PCDHGB4: variants seen among roughly 807,000 people sequenced by gnomAD.
PCDHGB4 encodes the protein protocadherin gamma subfamily B, 4.
Under a neutral mutation model 60.5 loss-of-function variants are expected in PCDHGB4, and 38 were observed. The ratio of observed to expected loss-of-function variants is 0.63; its 90% CI spans 0.48 to 0.82. The LOEUF (loss-of-function observed/expected upper bound fraction) is 0.82, where lower values mean the gene tolerates loss of function less well. Among genes scored for constraint, PCDHGB4 ranks in the 40% least tolerant of loss-of-function variants. The pLI is 0.00. For missense variants in PCDHGB4, 1,109 were observed against 1,209.6 expected (o/e 0.92, Z 1.23); for synonymous variants, 456 against 509.7 (o/e 0.89, Z 1.42).
intron 1 of PCDHGB4, among the ~76,000 whole-genome samples, chr5:141,448,476 G>A (rs1002358317): frequency 1.3e-5 from 2 of 151,976 alleles, no homozygotes; most frequent in African/African-American, 4.8e-5. Flanking sequence ...TTCCACCCTT[G>A]CTTCCTCCTG....
At position 141,505,499 on chromosome 5, in the gene PCDHGB4, G is replaced by A. The variant is rs753203943; in HGVS notation, c.2545+18G>A. ...CGCCAGTGGTAAGTGGTGTCAGTGT[G>A]TGTATGGAAGAGTGGGAGACCTGGG... is the stretch of plus-strand genomic sequence containing the variant. On this transcript the variant is annotated intron_variant, in intron 3 of 3. Transcript: ENST00000519479. 6.2e-7 allele frequency: 1 copy of A among 1,614,172 alleles called. No homozygotes were observed. The highest frequency in any genetic ancestry group is 8.5e-7 in the Non-Finnish European group (1 of 1,179,982).
In PCDHGB4 at chr5:141,486,718, A is replaced by G; in HGVS notation, c.2398-8089A>G. 6.2e-7 allele frequency: 1 copy of G among 1,614,106 alleles called. No individual in the cohort carries two copies. The highest frequency in any genetic ancestry group is 1.7e-5 in the Admixed American group (1 of 60,022). On this transcript the variant is annotated intron_variant, in intron 1 of 3. Coordinates refer to ENST00000519479, the MANE Select transcript of PCDHGB4 (RefSeq NM_003736.4). This position sits in a 1 kb window ranked among gnomAD's most constrained non-coding sequence, Gnocchi z 5.0. Reference sequence around the variant, plus strand: ...TCATCTCTCTGAACCCCCAGACAGGAGCTGTTCATGCTACTCGATCCTTTG... The same window carrying G: ...TCATCTCTCTGAACCCCCAGACAGGGGCTGTTCATGCTACTCGATCCTTTG...
rs1269660369 is a variant in PCDHGB4 at position 141,408,454 on chromosome 5, A to T, written c.2397+18173A>T. On this transcript the variant is annotated intron_variant, in intron 1 of 3. Transcript: ENST00000519479. ...GCGTAGACGCGGAGAGCGGGGACTT[A>T]CTTGTGAAGAACCGAATAGACCGTG... The T allele has an allele frequency of 4.3e-6, 7 of 1,613,934 alleles. No homozygotes were observed. The African/African-American group carries it at 9.3e-5, about 22-fold the overall frequency.
chr5:141,504,206 A>C (rs1209911822), intron 2 of PCDHGB4, among the ~76,000 whole-genome samples: 1 of 152,218 alleles, frequency 6.6e-6, no homozygotes, highest in East Asian at 1.9e-4. Context: ...CTGTGGGAAA[A>C]TTCCAAGTAG....
Position 141,486,929 on chromosome 5 carries a change from G to A in PCDHGB4, c.2398-7878G>A. 2.5e-6 allele frequency: 4 copies of A among 1,614,226 alleles called. No individual in the cohort carries two copies. Among genetic ancestry groups the A allele is most frequent in the Non-Finnish European group, 2.5e-6 (3 of 1,180,038 alleles). ...CCAAGCACTGCCTCCATCAGTTGGT[G>A]CTGGCCACCTAATCACAAAGGTGAC... On this transcript the variant is annotated intron_variant, in intron 1 of 3. Transcript: ENST00000519479. This position sits in a 1 kb window ranked among gnomAD's most constrained non-coding sequence, Gnocchi z 5.0.
intron 3 of PCDHGB4, among the ~76,000 whole-genome samples, chr5:141,506,567 T>G (rs2099855029): frequency 6.6e-6 from 1 of 152,182 alleles, no homozygotes; most frequent in Non-Finnish European, 1.5e-5. Flanking sequence ...CCCCCTCGGT[T>G]TCACTTACTA....
At chr5:141,410,302 A>G (rs1332359508) in intron 1 of PCDHGB4, 1 of 1,613,356 alleles carries the variant, frequency 6.2e-7, no homozygotes, top group Non-Finnish European at 8.5e-7. Context: ...CCTTAATCTC[A>G]GTGCTCTTCC....
chr5:141,436,487 A>G (rs2097826897), intron 1 of PCDHGB4, among the ~76,000 whole-genome samples: 2 of 152,196 alleles, frequency 1.3e-5, no homozygotes, highest in Non-Finnish European at 2.9e-5. Context: ...GAAGGATAGC[A>G]GCTTTGCAAT....
At chr5:141,459,693 C>A (rs1014443574) in intron 1 of PCDHGB4, among the ~76,000 whole-genome samples, 1 of 152,210 alleles carries the variant, frequency 6.6e-6, no homozygotes, top group African/African-American at 2.4e-5. Flanking sequence ...AAGCGTTCCG[C>A]TTGCTACATT....
At chr5:141,418,265 G>A (rs2096242953) in intron 1 of PCDHGB4, 1 of 1,614,062 alleles carries the variant, frequency 6.2e-7, no homozygotes, top group East Asian at 2.2e-5. Context: ...ATTCCGGAAA[G>A]ATGAAATAAA....
intron 1 of PCDHGB4, among the ~76,000 whole-genome samples, chr5:141,472,264 G>A (rs925973401): frequency 1.3e-4 from 20 of 152,068 alleles, no homozygotes; most frequent in African/African-American, 3.6e-4. Context: ...TATTATAGCC[G>A]GGCACAGTGG....
chr5:141,439,013 A>T lies in PCDHGB4; in HGVS notation c.2397+48732A>T, dbSNP rs2098082221. 1.3e-5 allele frequency among the ~76,000 whole-genome samples: 2 copies of T among 151,700 alleles called. 1 individual carries two copies. The highest frequency in any genetic ancestry group is 1.3e-4 in the Admixed American group (2 of 15,214). On this transcript the variant is annotated intron_variant, in intron 1 of 3. Transcript: ENST00000519479. ...GGCTAAGGACCTGGTTTGTTTGTCA[A>T]ATTTTGAAAATAGATGCCTCAGTTC...
At chr5:141,433,235 C>T (rs1307904588) in intron 1 of PCDHGB4, 13 of 1,509,616 alleles carry the variant, frequency 8.6e-6, no homozygotes, top group Non-Finnish European at 1.1e-5. Context: ...GCTCTGTCTC[C>T]CAAGCTGGAA....
In PCDHGB4 at chr5:141,432,357, T is replaced by C. The variant is rs778669079; in HGVS notation, c.2397+42076T>C. 6.2e-7 allele frequency: 1 copy of C among 1,614,244 alleles called. No homozygotes were observed. Among genetic ancestry groups the C allele is most frequent in the African/African-American group, 1.3e-5 (1 of 75,072 alleles). The stretch of plus-strand genomic sequence containing the variant: ...TTCCGAGACTTGCAAGTGAAAGTGA[T>C]GGCGCGGGACAACGGGCACCCGCCC... On this transcript the variant is annotated intron_variant, in intron 1 of 3. Coordinates refer to ENST00000519479, the MANE Select transcript of PCDHGB4 (RefSeq NM_003736.4). This position sits in a 1 kb window ranked among gnomAD's most constrained non-coding sequence, Gnocchi z 6.0.
intron 1 of PCDHGB4, chr5:141,410,115 C>G (rs1361621262): frequency 6.2e-7 from 1 of 1,612,624 alleles, no homozygotes; most frequent in African/African-American, 1.3e-5. Flanking sequence ...AGGGACGCAG[C>G]CCGCCAGCGC....
At chr5:141,417,693 A>T in intron 1 of PCDHGB4, 1 of 1,091,256 alleles carries the variant, frequency 9.2e-7, no homozygotes, top group Non-Finnish European at 1.3e-6. Context: ...AAAGAAAACC[A>T]GCTCCCACAC....
intron 1 of PCDHGB4, chr5:141,440,564 A>T (rs531383065): frequency 1.3e-5 from 2 of 152,248 alleles, no homozygotes; most frequent in Non-Finnish European, 2.9e-5. Context: ...TAAGTTACGT[A>T]TCTCTGAGTT....
rs771088007 is a variant in PCDHGB4 at position 141,423,000 on chromosome 5, G to T, written c.2397+32719G>T. On this transcript the variant is annotated intron_variant, in intron 1 of 3. Coordinates refer to ENST00000519479, the MANE Select transcript of PCDHGB4 (RefSeq NM_003736.4). ...CGGAACCTGGCTACCTGGTGACCAA[G>T]GTGGTTGCGGTGGACAAAGATTCAG... The T allele has an allele frequency of 2.5e-6, 4 of 1,614,116 alleles. No individual in the cohort carries two copies. The African/African-American group carries it at 5.3e-5, about 22-fold the overall frequency.
At chr5:141,418,478 G>T (rs777772131) in intron 1 of PCDHGB4, 1 of 1,613,858 alleles carries the variant, frequency 6.2e-7, no homozygotes, top group Non-Finnish European at 8.5e-7. Flanking sequence ...AACGCAGAGC[G>T]CTCACCACTT....
Sources: gnomAD v4.1 joint callset for allele counts (sites outside exome capture counted in the v4.1 genomes callset) on GRCh38, gnomAD v4.1.1 for gene constraint, Gnocchi (gnomAD v3.1) non-coding constraint, MANE v1.5 for transcripts, NCBI Gene and HGNC (gene_info 2026-07-23, HGNC 2026-07-21) for gene names.